Variants in CEMIP observed in about 807,000 individuals in gnomAD.
CEMIP encodes cell migration inducing hyaluronidase 1.
A neutral mutation model predicts 156.9 loss-of-function variants in CEMIP; 105 were observed. The observed-to-expected ratio is 0.67, with a 90% confidence interval of 0.57 to 0.79. The LOEUF (loss-of-function observed/expected upper bound fraction) is 0.79. Among genes scored for constraint, CEMIP ranks in the 30% least tolerant of loss-of-function variants. CEMIP has a pLI of 0.00. For synonymous variants in CEMIP, 676 were observed against 668.4 expected, an observed-to-expected ratio of 1.01 and a Z score of -0.17; for missense variants, 1,457 against 1,769.4, an observed-to-expected ratio of 0.82 and a Z score of 3.17.
chr15:80,897,253 C>A (rs1441892978), intron 12 of CEMIP: 1 of 455,954 alleles, frequency 2.2e-6, no homozygotes. Context: ...AATATACTCA[C>A]CATATCTATT....
At chr15:80,807,724 A>G (rs1896548183) in intron 1 of CEMIP, among the ~76,000 whole-genome samples, 1 of 152,268 alleles carries the variant, frequency 6.6e-6, no homozygotes, top group Non-Finnish European at 1.5e-5. Context: ...TCAAAAGGTT[A>G]GCAGCCAGCA....
At chr15:80,865,470 G>A (rs969569636) in intron 1 of CEMIP, among the ~76,000 whole-genome samples, 10 of 152,030 alleles carry the variant, frequency 6.6e-5, no homozygotes, top group African/African-American at 1.9e-4. Flanking sequence ...GTGAGCCACC[G>A]CGCCCGGCCA....
At chr15:80,796,914 G>T (rs1321701925) in intron 1 of CEMIP, among the ~76,000 whole-genome samples, 1 of 152,168 alleles carries the variant, frequency 6.6e-6, no homozygotes, top group Non-Finnish European at 1.5e-5. Flanking sequence ...ACCTTACAAA[G>T]TATAGTAAGA....
chr15:80,886,553 G>T (rs537921033), intron 7 of CEMIP, among the ~76,000 whole-genome samples: 23 of 152,280 alleles, frequency 1.5e-4, no homozygotes, highest in Middle Eastern at 3.4e-3. Flanking sequence ...GCTACTGTAG[G>T]GGGGGAAAAT....
At chr15:80,834,361 T>C (rs1345584084) in intron 1 of CEMIP, among the ~76,000 whole-genome samples, 1 of 152,238 alleles carries the variant, frequency 6.6e-6, no homozygotes, top group Non-Finnish European at 1.5e-5. Context: ...TTTATTTCTG[T>C]TTTACACATC....
chr15:80,920,629 G>A (rs1022438741), intron 15 of CEMIP, among the ~76,000 whole-genome samples: 8 of 152,166 alleles, frequency 5.3e-5, no homozygotes, highest in African/African-American at 1.9e-4. Context: ...CAGAGGCCCC[G>A]ACCACACAGA....
At chr15:80,887,833 C>G in intron 8 of CEMIP, 69 bp downstream of exon 8, 1 of 1,266,866 alleles carries the variant, frequency 7.9e-7, no homozygotes, top group Non-Finnish European at 1.1e-6. Flanking sequence ...CAGGGCTTTT[C>G]TGAACATCTC....
At chr15:80,856,794 T>C (rs1164776974) in intron 1 of CEMIP, among the ~76,000 whole-genome samples, 1 of 152,166 alleles carries the variant, frequency 6.6e-6, no homozygotes, top group Non-Finnish European at 1.5e-5. Context: ...GTTTCTGGCC[T>C]CTCCTCCCAG....
intron 21 of CEMIP, among the ~76,000 whole-genome samples, chr15:80,931,510 GAAAATGTTGAA>G (rs557127495): frequency 2.6e-5 from 4 of 152,208 alleles, no homozygotes; most frequent in African/African-American, 9.6e-5. Flanking sequence ...AAAAATTGGG[GAAAATGTTGAA>G]ATACAGGACC....
At chr15:80,905,201 T>C (rs1899747418) in intron 12 of CEMIP, among the ~76,000 whole-genome samples, 1 of 152,162 alleles carries the variant, frequency 6.6e-6, no homozygotes, top group African/African-American at 2.4e-5. Flanking sequence ...AGGCCAGTGC[T>C]CCATTGCTCC....
At chr15:80,802,369 C>T (rs1408153101) in intron 1 of CEMIP, among the ~76,000 whole-genome samples, 1 of 152,206 alleles carries the variant, frequency 6.6e-6, no homozygotes, top group Non-Finnish European at 1.5e-5. Flanking sequence ...CCCTTTCGCC[C>T]TTCCTGATGG....
intron 3 of CEMIP, among the ~76,000 whole-genome samples, chr15:80,878,090 AAAAT>A (rs1167757341): frequency 6.6e-6 from 1 of 152,204 alleles, no homozygotes; most frequent in African/African-American, 2.4e-5. Context: ...GGGTTCTTGC[AAAAT>A]GTCCCATTAT....
At position 80,920,320 on chromosome 15, in the gene CEMIP, C is replaced by G. The variant is rs775255560; in HGVS notation, c.2003+21C>G. The G allele has an allele frequency of 6.3e-5, 101 of 1,606,104 alleles. No individual in the cohort carries two copies. The Middle Eastern group carries it at 6.6e-4, about 11-fold the overall frequency. ...TGCAAGTAAGTGCCTGGACCCCTCTCTGTGTGCTGGGGGGAAGGGGTGTAC... is the reference window on the plus strand; with the variant it reads ...TGCAAGTAAGTGCCTGGACCCCTCTGTGTGTGCTGGGGGGAAGGGGTGTAC... On this transcript the variant is annotated intron_variant, in intron 15 of 29. Coordinates refer to ENST00000394685, the MANE Select transcript of CEMIP (RefSeq NM_001293298.2).
chr15:80,911,702 T>C (rs941550197), intron 14 of CEMIP, among the ~76,000 whole-genome samples: 1 of 152,208 alleles, frequency 6.6e-6, no homozygotes, highest in Non-Finnish European at 1.5e-5. Context: ...AGTTAGAAAA[T>C]GCCTGTGAAA....
intron 1 of CEMIP, among the ~76,000 whole-genome samples, chr15:80,823,496 A>C (rs181475990): frequency 6.6e-6 from 1 of 152,116 alleles, no homozygotes; most frequent in Non-Finnish European, 1.5e-5. Flanking sequence ...GGGACTTTTC[A>C]GTCTTAGCTC....
At position 80,831,632 on chromosome 15, in the gene CEMIP, AG is replaced by A. The variant is rs1257375836; in HGVS notation, c.-175-41903del. Among the ~76,000 whole-genome samples, 6 of 152,182 alleles carry A rather than the reference AG, an allele frequency of 3.9e-5. No individual in the cohort carries two copies. In the South Asian group the frequency reaches 1.0e-3, roughly 26 times the overall value. On this transcript the variant is annotated intron_variant, in intron 1 of 29. Transcript: ENST00000394685. The stretch of plus-strand genomic sequence containing the variant: ...GGTCCCACGTGGAGATAGTGAATAC[AG>A]GGCACCGGTGAGCATTCCAGATGAC...
chr15:80,881,722 G>A (rs917421732), intron 6 of CEMIP, among the ~76,000 whole-genome samples: 2 of 152,186 alleles, frequency 1.3e-5, no homozygotes, highest in South Asian at 4.1e-4. Context: ...GGGATGCAAA[G>A]TCACTGAAAG....
At chr15:80,916,331 A>T (rs1199050607) in intron 14 of CEMIP, among the ~76,000 whole-genome samples, 1 of 152,200 alleles carries the variant, frequency 6.6e-6, no homozygotes, top group African/African-American at 2.4e-5. Flanking sequence ...TTTCTCCTAC[A>T]CAATCTTATG....
At chr15:80,799,005 C>CTT (rs1896302537) in intron 1 of CEMIP, among the ~76,000 whole-genome samples, 1 of 152,198 alleles carries the variant, frequency 6.6e-6, no homozygotes, top group Non-Finnish European at 1.5e-5. Context: ...ATGGAACAGT[C>CTT]TTTCCTTTAT....
Sources: allele counts gnomAD v4.1 joint callset (sites outside exome capture counted in the v4.1 genomes callset), GRCh38; gene constraint gnomAD v4.1.1; transcripts MANE v1.5; gene names NCBI Gene and HGNC (gene_info 2026-07-23, HGNC 2026-07-21).